DENND5A: variants seen among roughly 807,000 people sequenced by gnomAD.
The protein encoded by DENND5A is DENN domain containing 5A, also known as DENN domain-containing protein 5A.
In DENND5A, 64 loss-of-function variants were observed where a neutral mutation model predicts 140.3. That is an observed-to-expected ratio of 0.46 (90% CI 0.37 to 0.56). DENND5A has a LOEUF of 0.56. DENND5A is among the 20% of genes least tolerant of loss of function. The pLI is 0.00. For missense variants in DENND5A, 1,292 were observed against 1,593.8 expected (o/e 0.81, Z 3.22); for synonymous variants, 605 against 607.7 (o/e 1.00, Z 0.07).
At chr11:9,185,626 T>C (rs1157870066) in intron 5 of DENND5A, among the ~76,000 whole-genome samples, 4 of 152,242 alleles carry the variant, frequency 2.6e-5, no homozygotes, top group Non-Finnish European at 5.9e-5. Flanking sequence ...TGTATACCTA[T>C]GTTACAACCC....
intron 2 of DENND5A, 80 bp from the exon 3 acceptor site, chr11:9,206,862 T>G (rs962241166): frequency 2.9e-6 from 3 of 1,023,534 alleles, no homozygotes; most frequent in Non-Finnish European, 4.6e-6. Context: ...AGCTTGGTAG[T>G]CCAGCAAGGT....
Position 9,179,032 on chromosome 11 carries a change from T to A in DENND5A, c.1497A>T (p.Lys499Asn). ...REDPSSNKDL[K>N]VQCDEEELRI... ...TGAGTTCTTCTTCATCACACTGAAC[T>A]TTGAGATCCTTATTGCTGCTGGGGT... The change falls in exon 7 of 23, where the codon AAA (lysine) becomes AAT (asparagine). Residue 499 changes from lysine (K) to asparagine (N), a missense_variant. Coordinates refer to ENST00000328194, the MANE Select transcript of DENND5A (RefSeq NM_015213.4). 1 of 1,614,164 alleles carries A rather than the reference T, an allele frequency of 6.2e-7. No individual in the cohort carries two copies. Among genetic ancestry groups the A allele is most frequent in the Non-Finnish European group, 8.5e-7 (1 of 1,180,024 alleles).
chr11:9,207,845 T>C (rs970180384), intron 1 of DENND5A, among the ~76,000 whole-genome samples: 1 of 152,136 alleles, frequency 6.6e-6, no homozygotes, highest in Non-Finnish European at 1.5e-5. Context: ...CTACTCTATA[T>C]CATTAAAACA....
chr11:9,208,227 T>A (rs959687620), intron 1 of DENND5A, among the ~76,000 whole-genome samples: 1 of 152,162 alleles, frequency 6.6e-6, no homozygotes, highest in Non-Finnish European at 1.5e-5. Context: ...AAAAAGAACA[T>A]ACACATACAA....
intron 1 of DENND5A, among the ~76,000 whole-genome samples, chr11:9,247,484 T>TA (rs1290046692): frequency 6.6e-6 from 1 of 150,856 alleles, no homozygotes; most frequent in Non-Finnish European, 1.5e-5. Flanking sequence ...CTATGGCTTT[T>TA]AAAATCAAGA....
chr11:9,175,826 T>G (rs1170768531), intron 8 of DENND5A: 1 of 152,180 alleles, frequency 6.6e-6, no homozygotes, highest in East Asian at 1.9e-4. Context: ...TTGAAATGGA[T>G]CAGAGACTTG....
intron 19 of DENND5A, 115 bp downstream of exon 19, chr11:9,143,982 G>T: frequency 1.6e-6 from 2 of 1,274,724 alleles, no homozygotes; most frequent in Non-Finnish European, 2.2e-6. Flanking sequence ...TAGCAGAAGT[G>T]TTTCCTGAGG....
At chr11:9,168,657 T>G (rs977295373) in intron 10 of DENND5A, among the ~76,000 whole-genome samples, 1 of 152,178 alleles carries the variant, frequency 6.6e-6, no homozygotes, top group Non-Finnish European at 1.5e-5. Context: ...AGTGCAACTG[T>G]ATCCTATAAA....
intron 5 of DENND5A, 63 bp downstream of exon 5, chr11:9,193,431 C>A: frequency 7.3e-7 from 1 of 1,365,526 alleles, no homozygotes; most frequent in East Asian, 2.5e-5. Context: ...CTGGGTTCAT[C>A]CCAAAGCCCT....
chr11:9,180,918 A>G lies in DENND5A; in HGVS notation c.1304T>C (p.Leu435Pro), dbSNP rs750848425. Residue 435 changes from leucine to proline, a missense_variant, in exon 6 of 23, where the codon CTG becomes CCG. Physicochemically the swap from Leu to Pro is moderately conservative, Grantham distance 98. This residue lies in a region of DENND5A where 566 missense variants were observed against 650.4 expected (regional missense o/e 0.87). Transcript: ENST00000328194. Reference sequence around the variant, plus strand: ...AAGCTCAGAGGCCCGCAGCCTCTTCAGCTTGGAGGCACTCTCACTGCAATG... The same window carrying G: ...AAGCTCAGAGGCCCGCAGCCTCTTCGGCTTGGAGGCACTCTCACTGCAATG... ...NLHCSESASKLKRLRASELVS... is the reference protein window; with the variant it reads ...NLHCSESASKPKRLRASELVS... The G allele has an allele frequency of 6.2e-7, 1 of 1,614,184 alleles. No individual in the cohort carries two copies. Among genetic ancestry groups the G allele is most frequent in the Non-Finnish European group, 8.5e-7 (1 of 1,180,036 alleles).
Position 9,147,001 on chromosome 11 carries a change from A to G in DENND5A, c.2857+29T>C, listed in dbSNP as rs767638976. Reference sequence around the variant, plus strand: ...CAGGTTCATAAAGACTGCCTTGAGAAGGCCAGCTGGGAGCACAGGGCTACT... The same window carrying G: ...CAGGTTCATAAAGACTGCCTTGAGAGGGCCAGCTGGGAGCACAGGGCTACT... On this transcript the variant is annotated intron_variant, in intron 16 of 22. Transcript: ENST00000328194. 3.1e-6 allele frequency: 5 copies of G among 1,613,556 alleles called. No homozygotes were observed. In the Admixed American group the frequency reaches 5.0e-5, roughly 16 times the overall value.
At chr11:9,218,301 T>C (rs1850175295) in intron 1 of DENND5A, among the ~76,000 whole-genome samples, 1 of 150,624 alleles carries the variant, frequency 6.6e-6, no homozygotes, top group Non-Finnish European at 1.5e-5. Flanking sequence ...GAAATTAAAA[T>C]GGTGTCAGAA....
At chr11:9,262,450 T>C (rs993588162) in intron 1 of DENND5A, among the ~76,000 whole-genome samples, 1 of 152,146 alleles carries the variant, frequency 6.6e-6, no homozygotes, top group Non-Finnish European at 1.5e-5. Flanking sequence ...TTTCTCAACA[T>C]GTTAGTGTTT....
At chr11:9,173,132 A>C (rs1310607033) in intron 8 of DENND5A, among the ~76,000 whole-genome samples, 1 of 152,018 alleles carries the variant, frequency 6.6e-6, no homozygotes, top group Non-Finnish European at 1.5e-5. Flanking sequence ...GGCCTGGAGC[A>C]ACATCTTTAG....
At chr11:9,162,233 C>CTTTTTTTTTT (rs1221675349) in intron 11 of DENND5A, among the ~76,000 whole-genome samples, 2 of 97,334 alleles carry the variant, frequency 2.1e-5, no homozygotes, top group Admixed American at 1.2e-4. Flanking sequence ...CCAGTTCCTT[C>CTTTTTTTTTT]TTTTTTTTTT....
At chr11:9,248,424 G>A (rs1015310405) in intron 1 of DENND5A, among the ~76,000 whole-genome samples, 2 of 152,004 alleles carry the variant, frequency 1.3e-5, no homozygotes, top group African/African-American at 2.4e-5. Context: ...GCTGAGGTAG[G>A]AGGATCCCTT....
intron 1 of DENND5A, among the ~76,000 whole-genome samples, chr11:9,226,091 T>C (rs1298756187): frequency 6.6e-6 from 1 of 152,172 alleles, no homozygotes; most frequent in African/African-American, 2.4e-5. Flanking sequence ...AAAATCATCA[T>C]CATCATCATT....
chr11:9,162,233 CTTTTTTTTTTTT>C (rs1221675349), intron 11 of DENND5A, among the ~76,000 whole-genome samples: 1 of 97,334 alleles, frequency 1.0e-5, no homozygotes, highest in Admixed American at 1.2e-4. Flanking sequence ...CCAGTTCCTT[CTTTTTTTTTTTT>C]TTTTTTTTTT....
intron 11 of DENND5A, among the ~76,000 whole-genome samples, chr11:9,161,415 G>A (rs1406140438): frequency 1.3e-5 from 2 of 152,036 alleles, no homozygotes; most frequent in African/African-American, 4.8e-5. Flanking sequence ...CCTGGCCAGT[G>A]ATTTCATCAC....
Sources: gnomAD v4.1 joint callset for allele counts (sites outside exome capture counted in the v4.1 genomes callset) on GRCh38, gnomAD v4.1.1 for gene constraint, gnomAD v4.1.1 regional missense constraint, MANE v1.5 for transcripts, NCBI Gene and HGNC (gene_info 2026-07-23, HGNC 2026-07-21) for gene names.